The following EIF4H variants were observed in gnomAD, a reference collection of about 807,000 sequenced individuals.
EIF4H encodes the protein eukaryotic translation initiation factor 4H.
Under a neutral mutation model 30.6 loss-of-function variants are expected in EIF4H, and 8 were observed. That is an observed-to-expected ratio of 0.26 (90% CI 0.15 to 0.47). The LOEUF (loss-of-function observed/expected upper bound fraction) is 0.47. Among genes scored for constraint, EIF4H ranks in the 20% least tolerant of loss-of-function variants. The probability of loss-of-function intolerance (pLI) is 0.99; values close to 1 mark genes in which losing one functional copy is unlikely to be tolerated. For synonymous variants in EIF4H, 106 were observed against 122.7 expected (o/e 0.86, Z 0.90); for missense variants, 188 against 339.5 (o/e 0.55, Z 3.51).
chr7:74,181,257 T>C (rs1026933689), intron 1 of EIF4H, among the ~76,000 whole-genome samples: 6 of 152,334 alleles, frequency 3.9e-5, no homozygotes, highest in African/African-American at 1.2e-4. Context: ...GCTAGGATAA[T>C]TTAAGGCTAA....
At chr7:74,186,788 A>ATTTTTTTT (rs564794579) in intron 1 of EIF4H, among the ~76,000 whole-genome samples, 8 of 70,120 alleles carry the variant, frequency 1.1e-4, no homozygotes, top group African/African-American at 1.9e-4. Flanking sequence ...ACAAGGAGAA[A>ATTTTTTTT]TTTTTTTTTT....
Position 74,188,540 on chromosome 7 carries a change from T to A in EIF4H, c.247+742T>A, listed in dbSNP as rs547765333. 4.6e-5 allele frequency among the ~76,000 whole-genome samples: 7 copies of A among 152,246 alleles called. No individual in the cohort carries two copies. The South Asian group carries it at 8.3e-4, about 18-fold the overall frequency. Reference sequence around the variant, plus strand: ...AGAAGGCCTTGCTGACCTGGGTGGTTTTGTGTGTCGGTGGCACTCTTACTC... The same window carrying A: ...AGAAGGCCTTGCTGACCTGGGTGGTATTGTGTGTCGGTGGCACTCTTACTC... On this transcript the variant is annotated intron_variant, in intron 2 of 6. Transcript: ENST00000265753.
chr7:74,186,534 A>G (rs1231993095), intron 1 of EIF4H, among the ~76,000 whole-genome samples: 7 of 152,158 alleles, frequency 4.6e-5, no homozygotes, highest in African/African-American at 1.7e-4. Flanking sequence ...GAAGTTGAAT[A>G]ACTTCTCAAG....
rs1171245370 is a variant in EIF4H at position 74,188,673 on chromosome 7, CTTTGGGTTGGAGTG to C, written c.247+877_247+890del. Among the ~76,000 whole-genome samples the C allele has an allele frequency of 7.4e-4, 113 of 152,286 alleles. 1 individual carries two copies. The highest frequency in any genetic ancestry group is 4.1e-4 in the South Asian group (2 of 4,820). The stretch of plus-strand genomic sequence containing the variant: ...GCTCCAGGAAGCATTAGGAACTAAA[CTTTGGGTTGGAGTG>C]TGTGGGTGAGCCTAGCCTTTGGGCT... On this transcript the variant is annotated intron_variant, in intron 2 of 6. Coordinates refer to ENST00000265753, the MANE Select transcript of EIF4H (RefSeq NM_022170.2).
chr7:74,194,664 A>G, intron 5 of EIF4H, 77 bp from the exon 6 acceptor site: 1 of 1,456,414 alleles, frequency 6.9e-7, no homozygotes, highest in Middle Eastern at 2.6e-4. Context: ...AACTCAAACA[A>G]TTCCCAGAAC....
chr7:74,189,988 G>A (rs1801166818), intron 4 of EIF4H, 70 bp downstream of exon 4: 34 of 1,534,626 alleles, frequency 2.2e-5, no homozygotes, highest in African/African-American at 4.1e-5. Context: ...ACTCGTGAAC[G>A]TTCCTAGTAG....
chr7:74,188,154 C>T (rs1286186937), intron 2 of EIF4H, among the ~76,000 whole-genome samples: 1 of 152,182 alleles, frequency 6.6e-6, no homozygotes, highest in Non-Finnish European at 1.5e-5. Flanking sequence ...CGTAGATTTT[C>T]CTTGGTAGTT....
intron 5 of EIF4H, among the ~76,000 whole-genome samples, chr7:74,193,527 CAG>C (rs1584188321): frequency 6.6e-6 from 1 of 152,236 alleles, no homozygotes; most frequent in Admixed American, 6.5e-5. Context: ...ACCACTCTCG[CAG>C]AGAGTAGCAG....
At chr7:74,191,088 A>G in intron 5 of EIF4H, 1 of 493,090 alleles carries the variant, frequency 2.0e-6, no homozygotes, top group South Asian at 1.5e-5. Context: ...GTGGGTGAGT[A>G]TGGGAGGGAC....
intron 1 of EIF4H, among the ~76,000 whole-genome samples, chr7:74,181,127 T>G (rs969108446): frequency 2.6e-5 from 4 of 152,162 alleles, no homozygotes; most frequent in Admixed American, 6.6e-5. Context: ...AACCTTTTCA[T>G]AATCCAAACA....
intron 5 of EIF4H, among the ~76,000 whole-genome samples, chr7:74,191,982 T>C (rs1554710024): frequency 6.6e-6 from 1 of 152,086 alleles, no homozygotes; most frequent in African/African-American, 2.4e-5. Flanking sequence ...GGTTTCATCA[T>C]GTTAGCCAGG....
intron 4 of EIF4H, 151 bp from the exon 5 acceptor site, chr7:74,190,096 T>G (rs903367653): frequency 2.0e-5 from 23 of 1,126,540 alleles, no homozygotes; most frequent in Non-Finnish European, 2.7e-5. Flanking sequence ...AAGCCTGGCG[T>G]TTTTTGTTTT....
chr7:74,190,392 G>A (rs575872063), intron 5 of EIF4H, 86 bp downstream of exon 5: 13 of 1,341,042 alleles, frequency 9.7e-6, no homozygotes, highest in African/African-American at 7.2e-5. Context: ...CCGCCTGGCC[G>A]GACTACTTAT....
chr7:74,182,355 C>G (rs950702018), intron 1 of EIF4H, among the ~76,000 whole-genome samples: 3 of 152,088 alleles, frequency 2.0e-5, no homozygotes, highest in Non-Finnish European at 4.4e-5. Flanking sequence ...TGTCAAAAAC[C>G]CAAATGTTAC....
intron 1 of EIF4H, among the ~76,000 whole-genome samples, chr7:74,183,123 A>C (rs940536470): frequency 6.6e-6 from 1 of 152,214 alleles, no homozygotes; most frequent in African/African-American, 2.4e-5. Context: ...GAGTAAGGAA[A>C]AGTGATTTGC....
intron 1 of EIF4H, among the ~76,000 whole-genome samples, chr7:74,186,373 C>G (rs1801080868): frequency 6.6e-6 from 1 of 152,048 alleles, no homozygotes; most frequent in South Asian, 2.1e-4. Context: ...ACCACCACAC[C>G]AAGCTAATTT....
Position 74,195,430 on chromosome 7 carries a change from AAC to A in EIF4H, c.*126_*127del, listed in dbSNP as rs1300343611. The A allele has an allele frequency of 2.5e-6, 3 of 1,186,854 alleles. No homozygotes were observed. Among genetic ancestry groups the A allele is most frequent in the East Asian group, 2.5e-5 (1 of 39,634 alleles). 73.5% of individuals were successfully genotyped at this position (1,186,854 alleles called of 1,614,324 possible). A position where few individuals can be genotyped will look rare whatever the true frequency, so the allele number is the denominator to read the frequency against. On this transcript the variant is annotated 3_prime_UTR_variant, in exon 7 of 7. Coordinates refer to ENST00000265753, the MANE Select transcript of EIF4H (RefSeq NM_022170.2). ...CTGCCATTGGCCTCCTCACAGCGGA[AAC>A]ACAGCTTGTGAGTGCATGTCAGCTG...
At position 74,197,091 on chromosome 7, in the gene EIF4H, G is replaced by A. The variant is rs1361606405; in HGVS notation, c.*1783G>A. On this transcript the variant is annotated 3_prime_UTR_variant, in exon 7 of 7. Transcript: ENST00000265753. ...TCTTTTAAATAAAAGAAAACCTTAC[G>A]TAATATTTAATGCTTGCCTTTATTT... 6 of 152,566 alleles carry A rather than the reference G, an allele frequency of 3.9e-5. No individual in the cohort carries two copies. The highest frequency in any genetic ancestry group is 1.9e-4 in the East Asian group (1 of 5,202). 9.5% of individuals were successfully genotyped at this position (152,566 alleles called of 1,614,324 possible).
Position 74,195,314 on chromosome 7 carries a change from C to T in EIF4H, c.*6C>T, listed in dbSNP as rs1375628741. ...TTCAAAAGGAGCAAGAATGAGCCTG[C>T]GGTTGGGAGGGAATGGGGCGTGGGG... is the stretch of plus-strand genomic sequence containing the variant. On this transcript the variant is annotated 3_prime_UTR_variant, in exon 7 of 7. Transcript: ENST00000265753. 13 of 1,612,628 alleles carry T rather than the reference C, an allele frequency of 8.1e-6. No individual in the cohort carries two copies. Among genetic ancestry groups the T allele is most frequent in the East Asian group, 2.2e-5 (1 of 44,838 alleles).
Sources: gnomAD v4.1 joint callset for allele counts (sites outside exome capture counted in the v4.1 genomes callset) on GRCh38, gnomAD v4.1.1 for gene constraint, MANE v1.5 for transcripts, NCBI Gene and HGNC (gene_info 2026-07-23, HGNC 2026-07-21) for gene names.